Variants in SARS1 observed in about 807,000 individuals in gnomAD.
SARS1 encodes serine--tRNA ligase, cytoplasmic.
A neutral mutation model predicts 63.7 loss-of-function variants in SARS1; 25 were observed. That is an observed-to-expected ratio of 0.39 (90% confidence interval 0.29 to 0.55). The LOEUF (loss-of-function observed/expected upper bound fraction) is 0.55. SARS1 is among the 20% of genes least tolerant of loss of function. The pLI is 0.62. For missense variants in SARS1, 417 were observed against 649.7 expected, an observed-to-expected ratio of 0.64 and a Z score of 3.89; for synonymous variants, 231 against 243.5, an observed-to-expected ratio of 0.95 and a Z score of 0.48.
Position 109,236,491 on chromosome 1 carries a change from T to G in SARS1, c.1200T>G (p.Asp400Glu). The change falls in exon 9 of 11, where the codon GAT (aspartate) becomes GAG (glutamate). Residue 400 changes from aspartate (D) to glutamate (E), a missense_variant. By Grantham distance (45) the Asp-to-Glu change is conservative. Transcript: ENST00000234677. ...RELVSCSNCT[D>E]YQARRLRIRY... is the part of the protein sequence containing the mutation. The stretch of plus-strand genomic sequence containing the variant: ...TGGTCTCCTGTTCTAATTGCACGGA[T>G]TACCAGGCTCGCCGGCTTCGAATCC... The G allele has an allele frequency of 6.2e-7, 1 of 1,606,884 alleles. No homozygotes were observed. The highest frequency in any genetic ancestry group is 8.5e-7 in the Non-Finnish European group (1 of 1,173,960).
chr1:109,227,078 C>T lies in SARS1; in HGVS notation c.208-1274C>T, dbSNP rs141539288. Among the ~76,000 whole-genome samples the T allele has an allele frequency of 3.2e-3, 483 of 150,918 alleles. 9 individuals are homozygous for T. Among genetic ancestry groups the T allele is most frequent in the Admixed American group, 0.027 (406 of 15,140 alleles). ...TGGTGTGATCTCAGCTCACTGCAACCTCTGCCCCCAAGTTCAAGCAAGTCT... is the reference window on the plus strand; with the variant it reads ...TGGTGTGATCTCAGCTCACTGCAACTTCTGCCCCCAAGTTCAAGCAAGTCT... On this transcript the variant is annotated intron_variant, in intron 2 of 10. Coordinates refer to ENST00000234677, the MANE Select transcript of SARS1 (RefSeq NM_006513.4).
At chr1:109,236,179 A>G (rs1655303842) in intron 8 of SARS1, 73 bp downstream of exon 8, 1 of 1,502,540 alleles carries the variant, frequency 6.7e-7, no homozygotes, top group Non-Finnish European at 9.0e-7. Flanking sequence ...CTGAGCTGCC[A>G]CACAGAGAAA....
At chr1:109,217,423 C>T (rs1465155103) in intron 1 of SARS1, among the ~76,000 whole-genome samples, 2 of 150,890 alleles carry the variant, frequency 1.3e-5, no homozygotes, top group Non-Finnish European at 3.0e-5. Context: ...TATAAGTTGG[C>T]GATAGTCTGT....
chr1:109,230,954 T>A lies in SARS1; in HGVS notation c.524T>A (p.Val175Glu). The change falls in exon 5 of 11, where the codon GTG (valine) becomes GAG (glutamate). Residue 175 changes from valine (V) to glutamate (E), a missense_variant. Coordinates refer to ENST00000234677, the MANE Select transcript of SARS1 (RefSeq NM_006513.4). ...RKKYSHVDLV[V>E]MVDGFEGEKG... is the part of the protein sequence containing the mutation. Reference sequence around the variant, plus strand: ...AAGTACTCTCATGTGGACCTGGTGGTGATGGTAGATGGCTTTGAAGGCGAA... The same window carrying A: ...AAGTACTCTCATGTGGACCTGGTGGAGATGGTAGATGGCTTTGAAGGCGAA... 1 of 1,580,244 alleles carries A rather than the reference T, an allele frequency of 6.3e-7. No homozygotes were observed. The highest frequency in any genetic ancestry group is 8.6e-7 in the Non-Finnish European group (1 of 1,163,982).
chr1:109,216,703 C>T (rs1410938918), intron 1 of SARS1: 1 of 631,338 alleles, frequency 1.6e-6, no homozygotes, highest in African/African-American at 2.0e-5. Flanking sequence ...TCACTGCAGC[C>T]TCAATCTCCC....
intron 1 of SARS1, among the ~76,000 whole-genome samples, chr1:109,221,694 CAT>C (rs1044618545): frequency 6.5e-4 from 99 of 152,018 alleles, no homozygotes; most frequent in Non-Finnish European, 1.3e-3. Flanking sequence ...ATTTAAGACT[CAT>C]ATACTGAAAA....
chr1:109,213,898 G>C, upstream of SARS1: 2 of 1,452,524 alleles, frequency 1.4e-6, no homozygotes, highest in Non-Finnish European at 1.8e-6. Context: ...TGCGCAGGAA[G>C]GGCGGGTCAG....
intron 1 of SARS1, chr1:109,216,614 A>G (rs890279069): frequency 3.1e-6 from 3 of 980,752 alleles, no homozygotes; most frequent in African/African-American, 3.5e-5. Flanking sequence ...TTTACTGTAC[A>G]TTGAAAATTG....
chr1:109,215,660 T>C, intron 1 of SARS1: 1 of 957,608 alleles, frequency 1.0e-6, no homozygotes, highest in South Asian at 4.8e-5. Context: ...ATGTTATTGT[T>C]TTAAAAAACT....
chr1:109,224,156 A>T (rs1226371811), intron 2 of SARS1, 108 bp downstream of exon 2: 43 of 836,442 alleles, frequency 5.1e-5, no homozygotes, highest in Non-Finnish European at 1.0e-5. Context: ...AGTCTACAAG[A>T]TGTTCAATTT....
chr1:109,229,586 C>G lies in SARS1; in HGVS notation c.447+14C>G. ...AGTAACGATGAGGTAGGTGGCTGTG[C>G]CGCAGCAGGAGGCTGCCTTAGGTCG... is the stretch of plus-strand genomic sequence containing the variant. On this transcript the variant is annotated intron_variant, in intron 4 of 10. Coordinates refer to ENST00000234677, the MANE Select transcript of SARS1 (RefSeq NM_006513.4). The G allele has an allele frequency of 6.2e-7, 1 of 1,605,068 alleles. No individual in the cohort carries two copies. Among genetic ancestry groups the G allele is most frequent in the Non-Finnish European group, 8.5e-7 (1 of 1,174,920 alleles).
chr1:109,233,594 C>G (rs1428271319), intron 6 of SARS1, among the ~76,000 whole-genome samples: 1 of 151,702 alleles, frequency 6.6e-6, no homozygotes, highest in Non-Finnish European at 1.5e-5. Flanking sequence ...TTAAAATATT[C>G]ATGTTGGGAT....
Position 109,235,973 on chromosome 1 carries a change from G to A in SARS1, c.970-4G>A, listed in dbSNP as rs1655298677. ...TCACCGTTTCCTTGGGTCCCTCTCT[G>A]CAGATTGAACAGTTTGTGTACTCAT... On this transcript the variant is annotated splice_region_variant and splice_polypyrimidine_tract_variant and intron_variant, in intron 7 of 10. Transcript: ENST00000234677. This position sits in a 1 kb window ranked among gnomAD's most constrained non-coding sequence, Gnocchi z 4.7. 6.2e-7 allele frequency: 1 copy of A among 1,602,438 alleles called. No individual in the cohort carries two copies. Among genetic ancestry groups the A allele is most frequent in the Non-Finnish European group, 8.5e-7 (1 of 1,175,512 alleles).
chr1:109,226,177 T>A (rs916682466), intron 2 of SARS1, among the ~76,000 whole-genome samples: 13 of 137,114 alleles, frequency 9.5e-5, no homozygotes, highest in Admixed American at 9.5e-4. Flanking sequence ...TGAGATGGAG[T>A]CTCCCTGTGT....
At chr1:109,229,021 A>G (rs1185204048) in intron 3 of SARS1, among the ~76,000 whole-genome samples, 1 of 152,212 alleles carries the variant, frequency 6.6e-6, no homozygotes, top group Non-Finnish European at 1.5e-5. Context: ...TAAATTTATA[A>G]TCTTCCTAGA....
At chr1:109,226,156 TTTTTTTTTG>T (rs1223920190) in intron 2 of SARS1, among the ~76,000 whole-genome samples, 2 of 148,606 alleles carry the variant, frequency 1.3e-5, no homozygotes, top group Non-Finnish European at 3.0e-5. Flanking sequence ...TTTTTTTTTT[TTTTTTTTTG>T]TTGAGATGGA....
intron 6 of SARS1, among the ~76,000 whole-genome samples, chr1:109,233,759 C>T (rs866187183): frequency 9.9e-5 from 15 of 151,514 alleles, no homozygotes; most frequent in African/African-American, 3.6e-4. Context: ...TGCAGTGGCA[C>T]GATCTTGGCT....
At chr1:109,226,683 T>TATATATATATATATACAC (rs1557716888) in intron 2 of SARS1, among the ~76,000 whole-genome samples, 11 of 41,648 alleles carry the variant, frequency 2.6e-4, no homozygotes, top group South Asian at 6.6e-4. Context: ...AAAAAATATA[T>TATATATATATATATACAC]ATATATATAT....
chr1:109,223,673 G>A (rs1228595094), intron 1 of SARS1, among the ~76,000 whole-genome samples: 12 of 152,244 alleles, frequency 7.9e-5, no homozygotes, highest in East Asian at 7.7e-4. Context: ...GTGTGGTGGC[G>A]GGCACCTATA....
Sources: gnomAD v4.1 joint callset for allele counts (sites outside exome capture counted in the v4.1 genomes callset) on GRCh38, gnomAD v4.1.1 for gene constraint, Gnocchi (gnomAD v3.1) non-coding constraint, MANE v1.5 for transcripts, NCBI Gene and HGNC (gene_info 2026-07-23, HGNC 2026-07-21) for gene names.